RAP1GAP2: variants seen among roughly 807,000 people sequenced by gnomAD.
RAP1GAP2 encodes rap1 GTPase-activating protein 2.
Under a neutral mutation model 95.0 loss-of-function variants are expected in RAP1GAP2, and 27 were observed. That is an observed-to-expected ratio of 0.28 (90% CI 0.21 to 0.39). The LOEUF (loss-of-function observed/expected upper bound fraction) is 0.39, where lower values mean the gene tolerates loss of function less well. Ranked by LOEUF, RAP1GAP2 falls within the 10% of genes least tolerant of loss-of-function variation. The pLI, the probability that RAP1GAP2 is intolerant of heterozygous loss-of-function variation, is 1.00. For synonymous variants in RAP1GAP2, 373 were observed against 380.9 expected (o/e 0.98, Z 0.24); for missense variants, 771 against 970.0 (o/e 0.79, Z 2.72).
rs1261297643 is a variant in RAP1GAP2, at chr17:2,939,015, T to C, written c.166-18744T>C. On this transcript the variant is annotated intron_variant, in intron 3 of 24. Coordinates refer to ENST00000254695, the MANE Select transcript of RAP1GAP2 (RefSeq NM_015085.5). ...AAACAAAACAAAACAAAAAAAATGC[T>C]TCAGGCTGTTCCTCAAAGAAAACGG... is the stretch of plus-strand genomic sequence containing the variant. Among the ~76,000 whole-genome samples the C allele has an allele frequency of 3.3e-5, 5 of 152,262 alleles. No homozygotes were observed. The East Asian group carries it at 7.7e-4, about 24-fold the overall frequency.
rs2044115442 is a variant in RAP1GAP2, at chr17:2,956,575, T to TG, written c.166-1180dup. Among the ~76,000 whole-genome samples the TG allele has an allele frequency of 2.6e-5, 4 of 152,208 alleles. No individual in the cohort carries two copies. In the East Asian group the frequency reaches 7.7e-4, roughly 29 times the overall value. On this transcript the variant is annotated intron_variant, in intron 3 of 24. Coordinates refer to ENST00000254695, the MANE Select transcript of RAP1GAP2 (RefSeq NM_015085.5). ...CTGCTTTCTTTTCTCTCGTCTTCAC[T>TG]GGGGACTGTCTGTTCTGGGCACTCA...
intron 2 of RAP1GAP2, among the ~76,000 whole-genome samples, chr17:2,882,293 AT>A (rs752552125): frequency 2.9e-3 from 375 of 129,492 alleles, no homozygotes; most frequent in Middle Eastern, 8.5e-3. Flanking sequence ...CGCCCAGCTA[AT>A]TTTTTTTTTT....
intron 4 of RAP1GAP2, 47 bp downstream of exon 4, chr17:2,957,841 T>C (rs781332836): frequency 1.3e-6 from 2 of 1,544,542 alleles, no homozygotes; most frequent in East Asian, 2.4e-5. Context: ...CAGCCCCAGA[T>C]GTGGGTGGCA....
At chr17:3,013,639 T>C (rs1401688933) in intron 17 of RAP1GAP2, among the ~76,000 whole-genome samples, 1 of 139,834 alleles carries the variant, frequency 7.2e-6, no homozygotes, top group Non-Finnish European at 1.6e-5. Flanking sequence ...TTTCTTTTTT[T>C]TTTTTTTTTT....
intron 2 of RAP1GAP2, among the ~76,000 whole-genome samples, chr17:2,838,013 T>A (rs531438673): frequency 9.8e-6 from 1 of 101,598 alleles, no homozygotes; most frequent in Admixed American, 1.2e-4. Flanking sequence ...TCTTTCTTTT[T>A]TCCTTTTTTT....
At chr17:2,822,008 G>A (rs1309399216) in intron 2 of RAP1GAP2, among the ~76,000 whole-genome samples, 2 of 152,122 alleles carry the variant, frequency 1.3e-5, no homozygotes, top group Non-Finnish European at 1.5e-5. Context: ...CAGTGCCACC[G>A]GGTGGTGCTG....
intron 2 of RAP1GAP2, among the ~76,000 whole-genome samples, chr17:2,900,152 G>A (rs1208357983): frequency 5.3e-5 from 8 of 152,160 alleles, no homozygotes; most frequent in East Asian, 1.9e-4. Context: ...GTGTGGAGGG[G>A]GCCTTACACC....
intron 1 of RAP1GAP2, among the ~76,000 whole-genome samples, chr17:2,758,212 G>A (rs2071184666): frequency 8.0e-6 from 1 of 124,734 alleles, no homozygotes; most frequent in African/African-American, 3.2e-5. Context: ...GTCTACCTCT[G>A]TTGCCCAGGC....
At chr17:2,851,608 T>C (rs1456089504) in intron 2 of RAP1GAP2, among the ~76,000 whole-genome samples, 1 of 152,090 alleles carries the variant, frequency 6.6e-6, no homozygotes, top group African/African-American at 2.4e-5. Flanking sequence ...TTACGATTTT[T>C]TGGGGGACAG....
intron 3 of RAP1GAP2, among the ~76,000 whole-genome samples, chr17:2,919,950 C>G (rs1021971268): frequency 6.6e-6 from 1 of 151,960 alleles, no homozygotes; most frequent in Non-Finnish European, 1.5e-5. Context: ...ATCCGCCCGC[C>G]TCGGCCTCCC....
chr17:2,907,333 G>A lies in RAP1GAP2; in HGVS notation c.165+1965G>A, dbSNP rs551131124. Among the ~76,000 whole-genome samples the A allele has an allele frequency of 2.0e-5, 3 of 152,328 alleles. No individual in the cohort carries two copies. The South Asian group carries it at 6.2e-4, about 32-fold the overall frequency. On this transcript the variant is annotated intron_variant, in intron 3 of 24. Coordinates refer to ENST00000254695, the MANE Select transcript of RAP1GAP2 (RefSeq NM_015085.5). ...AGGGGAAGGGATGCGGGGCAGGCAA[G>A]ACCCACAGCTTTCCGCCACATGTGC...
intron 1 of RAP1GAP2, among the ~76,000 whole-genome samples, chr17:2,783,290 C>T (rs954915786): frequency 6.6e-6 from 1 of 152,164 alleles, no homozygotes; most frequent in Non-Finnish European, 1.5e-5. Context: ...CCATTTGGAT[C>T]GGATCACCCT....
chr17:2,849,363 G>A (rs1166848899), intron 2 of RAP1GAP2, among the ~76,000 whole-genome samples: 4 of 152,192 alleles, frequency 2.6e-5, no homozygotes, highest in African/African-American at 9.6e-5. Context: ...TGGGTGGGGC[G>A]ACGAGGTGGC....
At chr17:2,937,429 C>T (rs1386897653) in intron 3 of RAP1GAP2, among the ~76,000 whole-genome samples, 5 of 152,170 alleles carry the variant, frequency 3.3e-5, no homozygotes, top group African/African-American at 1.2e-4. Flanking sequence ...GGGCACGCCA[C>T]GTTCCTGAGG....
At chr17:2,762,912 G>T (rs1162483869) in intron 1 of RAP1GAP2, among the ~76,000 whole-genome samples, 1 of 151,994 alleles carries the variant, frequency 6.6e-6, no homozygotes. Context: ...CCGGACTCAA[G>T]CAATCCTCCT....
At chr17:2,920,904 AT>A (rs1459999483) in intron 3 of RAP1GAP2, among the ~76,000 whole-genome samples, 1 of 151,976 alleles carries the variant, frequency 6.6e-6, no homozygotes, top group Non-Finnish European at 1.5e-5. Context: ...CATGAGTGTC[AT>A]TTACCCGACA....
intron 2 of RAP1GAP2, among the ~76,000 whole-genome samples, chr17:2,821,953 C>T (rs929466097): frequency 6.6e-6 from 1 of 152,168 alleles, no homozygotes; most frequent in Non-Finnish European, 1.5e-5. Flanking sequence ...ACTGCAGAAA[C>T]GTCCCTGGAC....
chr17:2,802,689 G>A (rs1049036204), intron 2 of RAP1GAP2, among the ~76,000 whole-genome samples: 6 of 152,100 alleles, frequency 3.9e-5, no homozygotes, highest in East Asian at 1.9e-4. Context: ...GGAGACAAGA[G>A]TGAAATGCCG....
At position 2,992,730 on chromosome 17, in the gene RAP1GAP2, G is replaced by T. The variant is rs1340447684; in HGVS notation, c.914+1333G>T. Among the ~76,000 whole-genome samples the T allele has an allele frequency of 3.9e-5, 6 of 152,250 alleles. No individual in the cohort carries two copies. The South Asian group carries it at 8.3e-4, about 21-fold the overall frequency. ...TATTCACTAATTGCTTTCTTCCTCT[G>T]CTTCCTTCTCTGTCCTTCCTTCTTT... On this transcript the variant is annotated intron_variant, in intron 12 of 24. Coordinates refer to ENST00000254695, the MANE Select transcript of RAP1GAP2 (RefSeq NM_015085.5).
Sources: gnomAD v4.1 joint callset for allele counts (sites outside exome capture counted in the v4.1 genomes callset) on GRCh38, gnomAD v4.1.1 for gene constraint, MANE v1.5 for transcripts, NCBI Gene and HGNC (gene_info 2026-07-23, HGNC 2026-07-21) for gene names.